Variants in UCP1 observed in about 807,000 individuals in gnomAD.
The protein encoded by UCP1 is mitochondrial brown fat uncoupling protein 1.
A neutral mutation model predicts 26.2 loss-of-function variants in UCP1; 24 were observed. The ratio of observed to expected loss-of-function variants is 0.92; its 90% CI spans 0.66 to 1.29. The LOEUF (loss-of-function observed/expected upper bound fraction) is 1.29, where lower values mean the gene tolerates loss of function less well. Ranked by LOEUF, UCP1 falls within the 50% of genes most tolerant of loss-of-function variation. The probability of loss-of-function intolerance (pLI) is 0.00; values close to 1 mark genes in which losing one functional copy is unlikely to be tolerated. For missense variants in UCP1, 402 were observed against 388.7 expected, an observed-to-expected ratio of 1.03 and a Z score of -0.29; for synonymous variants, 164 against 156.8, an observed-to-expected ratio of 1.05 and a Z score of -0.34.
chr4:140,563,669 G>A, intron 2 of UCP1, 151 bp from the exon 3 acceptor site: 1 of 745,710 alleles, frequency 1.3e-6, no homozygotes, highest in Non-Finnish European at 2.1e-6. Context: ...GTGCAGTGGT[G>A]TGATCTTGGC....
intron 5 of UCP1, 31 bp downstream of exon 5, chr4:140,562,162 C>G: frequency 1.2e-6 from 2 of 1,613,578 alleles, no homozygotes; most frequent in Non-Finnish European, 1.7e-6. Flanking sequence ...ACAGCCAGAA[C>G]ACATTACAGA....
chr4:140,561,850 T>G (rs910907723), intron 5 of UCP1, among the ~76,000 whole-genome samples: 6 of 152,200 alleles, frequency 3.9e-5, no homozygotes. Flanking sequence ...AATCAAATCT[T>G]GTTCTCTCAT....
chr4:140,567,508 T>G (rs1281267121), intron 2 of UCP1, among the ~76,000 whole-genome samples: 1 of 152,246 alleles, frequency 6.6e-6, no homozygotes, highest in Non-Finnish European at 1.5e-5. Flanking sequence ...CATTTTTCTG[T>G]AGCCCACCCA....
In UCP1 at chr4:140,563,177, G is replaced by A. The variant is rs1735717536; in HGVS notation, c.561C>T (p.Ile187=). ...CATATGTTACTAGCTCTGTACAATT[G>A]ATGATGACACTTCTCATCAGATTGG... is the stretch of plus-strand genomic sequence containing the variant. ...TTPNLMRSVI[I]NCTELVTYDL... is the part of the protein sequence containing the mutation. The change falls in exon 4 of 6, where the codon ATC becomes ATT. Residue 187 remains isoleucine (I), a synonymous_variant. Coordinates refer to ENST00000262999, the MANE Select transcript of UCP1 (RefSeq NM_021833.5). The A allele has an allele frequency of 1.2e-6, 2 of 1,613,096 alleles. No individual in the cohort carries two copies. The highest frequency in any genetic ancestry group is 1.7e-6 in the Non-Finnish European group (2 of 1,179,896).
chr4:140,565,596 T>C (rs1735778362), intron 2 of UCP1, among the ~76,000 whole-genome samples: 1 of 152,160 alleles, frequency 6.6e-6, no homozygotes, highest in African/African-American at 2.4e-5. Flanking sequence ...CTCCCTCCTG[T>C]CTCTGTGGCT....
rs1735829912 is a variant in UCP1, at chr4:140,567,772, G to GGCTT, written c.325+3_325+6dup. On this transcript the variant is annotated splice_region_variant and intron_variant, in intron 2 of 5. Transcript: ENST00000262999. Reference sequence around the variant, plus strand: ...TTCTGCCCCTCCCAGGAACGCTCACGGCTTACTTTCTTTCCCTGCGGTGAG... The same window carrying GGCTT: ...TTCTGCCCCTCCCAGGAACGCTCACGGCTTGCTTACTTTCTTTCCCTGCGGTGAG... The GGCTT allele has an allele frequency of 6.2e-7, 1 of 1,613,700 alleles. No individual in the cohort carries two copies. Among genetic ancestry groups the GGCTT allele is most frequent in the Non-Finnish European group, 8.5e-7 (1 of 1,179,936 alleles).
rs1735863586 is a variant in UCP1, at chr4:140,568,730, C to T, written c.-1G>A. The T allele has an allele frequency of 1.3e-6, 2 of 1,587,420 alleles. No individual in the cohort carries two copies. The highest frequency in any genetic ancestry group is 2.7e-5 in the African/African-American group (2 of 74,546). ...CGTCCGAGGCTGTCAGGCCCCCCAT[C>T]TTCACTCAGAGACTGGAGATGCAGA... On this transcript the variant is annotated 5_prime_UTR_variant, in exon 1 of 6. Transcript: ENST00000262999.
At chr4:140,560,034 C>T (rs756207662) in intron 5 of UCP1, 24 bp from the exon 6 acceptor site, 12 of 1,566,594 alleles carry the variant, frequency 7.7e-6, no homozygotes, top group South Asian at 1.1e-5. Flanking sequence ...TGTCATCGTT[C>T]GATTAATTTG....
Position 140,563,499 on chromosome 4 carries a change from G to C in UCP1, c.345C>G (p.Ser115Arg), listed in dbSNP as rs751699256. The C allele has an allele frequency of 6.2e-7, 1 of 1,613,720 alleles. No homozygotes were observed. The highest frequency in any genetic ancestry group is 1.1e-5 in the South Asian group (1 of 91,074). The change falls in exon 3 of 6, where the codon AGC becomes AGG. Residue 115 changes from serine (S) to arginine (R), a missense_variant. Physicochemically the swap from Ser to Arg is moderately radical, Grantham distance 110. Coordinates refer to ENST00000262999, the MANE Select transcript of UCP1 (RefSeq NM_021833.5). ...CAGTCGTTAGACCAGCTAAAATCTTGCTTCCTAAACTAGGTGCTGCTATCC... is the reference window on the plus strand; with the variant it reads ...CAGTCGTTAGACCAGCTAAAATCTTCCTTCCTAAACTAGGTGCTGCTATCC... ...AGKETAPSLG[S>R]KILAGLTTGG...
chr4:140,562,159 G>T, intron 5 of UCP1, 34 bp downstream of exon 5: 1 of 1,613,218 alleles, frequency 6.2e-7, no homozygotes, highest in South Asian at 1.1e-5. Flanking sequence ...CAGACAGCCA[G>T]AACACATTAC....
intron 2 of UCP1, among the ~76,000 whole-genome samples, chr4:140,566,397 C>T (rs980330059): frequency 1.3e-5 from 2 of 152,176 alleles, no homozygotes; most frequent in African/African-American, 2.4e-5. Flanking sequence ...AACATATATC[C>T]TATTAATTTG....
chr4:140,564,808 C>T (rs893925959), intron 2 of UCP1, among the ~76,000 whole-genome samples: 2 of 152,174 alleles, frequency 1.3e-5, no homozygotes, highest in Non-Finnish European at 1.5e-5. Context: ...CAATCTCCAA[C>T]TTTCAAATCC....
rs536022160 is a variant in UCP1, at chr4:140,563,580, CT to C, written c.326-63del. The C allele has an allele frequency of 2.8e-4, 395 of 1,416,628 alleles. 13 individuals are homozygous for C. The South Asian group carries it at 4.9e-3, about 18-fold the overall frequency. 87.8% of individuals were successfully genotyped at this position (1,416,628 alleles called of 1,614,324 possible). ...TTAAAGACCTAGAATGCATGCATGT[CT>C]TTTTAATTTTCAGTGGTTCATATTT... is the stretch of plus-strand genomic sequence containing the variant. On this transcript the variant is annotated intron_variant, in intron 2 of 5. Transcript: ENST00000262999.
rs748090664 is a variant in UCP1, at chr4:140,562,182, T to C, written c.809+11A>G. 17 of 1,614,090 alleles carry C rather than the reference T, an allele frequency of 1.1e-5. No homozygotes were observed. The highest frequency in any genetic ancestry group is 1.4e-5 in the Non-Finnish European group (17 of 1,179,952). On this transcript the variant is annotated intron_variant, in intron 5 of 5. Transcript: ENST00000262999. Reference sequence around the variant, plus strand: ...CAGAACACATTACAGATACACAAGATCATATCTTACCCCTTGAAGAAAGCC... The same window carrying C: ...CAGAACACATTACAGATACACAAGACCATATCTTACCCCTTGAAGAAAGCC...
chr4:140,560,279 A>T (rs1735648321), intron 5 of UCP1, among the ~76,000 whole-genome samples: 1 of 152,118 alleles, frequency 6.6e-6, no homozygotes, highest in Non-Finnish European at 1.5e-5. Context: ...TCAAGTGAAG[A>T]TGCTTAAAAG....
At chr4:140,562,125 G>T in intron 5 of UCP1, 68 bp downstream of exon 5, 1 of 1,575,228 alleles carries the variant, frequency 6.3e-7, no homozygotes, top group South Asian at 1.1e-5. Flanking sequence ...TCGGTTGCTT[G>T]ACATGAGAGT....
intron 2 of UCP1, among the ~76,000 whole-genome samples, chr4:140,564,792 A>C (rs1334084847): frequency 6.6e-6 from 1 of 152,148 alleles, no homozygotes; most frequent in Non-Finnish European, 1.5e-5. Flanking sequence ...TACTCATCCT[A>C]TCCTCCAATC....
rs1297250211 is a variant in UCP1, at chr4:140,563,329, C to A, written c.515G>T (p.Gly172Val). 6.2e-7 allele frequency: 1 copy of A among 1,614,090 alleles called. No homozygotes were observed. The highest frequency in any genetic ancestry group is 8.5e-7 in the Non-Finnish European group (1 of 1,180,008). ...RIIATTEGLT[G>V]LWKGTTPNLM... ...TTGAAGTTAGTTACCTTTCCAAAGA[C>A]CCGTCAAGCCTTCGGTTGTTGCTAT... The change falls in exon 3 of 6, where the codon GGT becomes GTT. Residue 172 changes from glycine to valine, a missense_variant. Coordinates refer to ENST00000262999, the MANE Select transcript of UCP1 (RefSeq NM_021833.5).
intron 4 of UCP1, 51 bp downstream of exon 4, chr4:140,563,059 G>C: frequency 7.0e-7 from 1 of 1,420,212 alleles, no homozygotes; most frequent in African/African-American, 1.4e-5. Context: ...GAAGCTCCAA[G>C]ATGAACTTCT....
Sources: allele counts gnomAD v4.1 joint callset (sites outside exome capture counted in the v4.1 genomes callset), GRCh38; gene constraint gnomAD v4.1.1; transcripts MANE v1.5; gene names NCBI Gene and HGNC (gene_info 2026-07-23, HGNC 2026-07-21).